The following MEGF6 variants were observed in gnomAD, a reference collection of about 807,000 sequenced individuals.
MEGF6 encodes the protein multiple EGF like domains 6, also known as multiple epidermal growth factor-like domains protein 6.
MEGF6 carries 184 observed loss-of-function variants against 207.1 expected under a neutral mutation model. That is an observed-to-expected ratio of 0.89 (90% CI 0.79 to 1.00). The LOEUF (loss-of-function observed/expected upper bound fraction) is 1.00. Among genes scored for constraint, MEGF6 ranks in the 50% least tolerant of loss-of-function variants. The pLI, the probability that MEGF6 is intolerant of heterozygous loss-of-function variation, is 0.00. For synonymous variants in MEGF6, 1,038 were observed against 910.0 expected (o/e 1.14, Z -2.53); for missense variants, 2,282 against 2,202.9 (o/e 1.04, Z -0.72).
intron 5 of MEGF6, among the ~76,000 whole-genome samples, chr1:3,517,418 C>T (rs1417027234): frequency 6.6e-6 from 1 of 152,232 alleles, no homozygotes; most frequent in Non-Finnish European, 1.5e-5. Context: ...TGTCCTCTTG[C>T]CACTCCAGTC....
At chr1:3,493,923 G>T in intron 33 of MEGF6, 24 bp from the exon 34 acceptor site, 1 of 1,583,902 alleles carries the variant, frequency 6.3e-7, no homozygotes, top group Non-Finnish European at 8.6e-7. Flanking sequence ...TGGGCTCAGT[G>T]TCCCCCTCCT....
intron 1 of MEGF6, among the ~76,000 whole-genome samples, chr1:3,602,894 T>C (rs1005059628): frequency 6.6e-6 from 1 of 152,170 alleles, no homozygotes; most frequent in South Asian, 2.1e-4. Flanking sequence ...CGACGCTGCC[T>C]CAACAGACAG....
intron 4 of MEGF6, among the ~76,000 whole-genome samples, chr1:3,567,197 G>A (rs1475528881): frequency 1.3e-5 from 2 of 152,216 alleles, no homozygotes; most frequent in Admixed American, 6.5e-5. Flanking sequence ...CGGGCCACAC[G>A]GCGAAGACAG....
chr1:3,532,350 G>T (rs901643170), intron 4 of MEGF6, among the ~76,000 whole-genome samples: 5 of 152,228 alleles, frequency 3.3e-5, no homozygotes, highest in African/African-American at 1.2e-4. Flanking sequence ...ACCTATCCTT[G>T]GTCGGGGGTC....
At chr1:3,545,568 C>T (rs1045038645) in intron 4 of MEGF6, among the ~76,000 whole-genome samples, 1 of 149,144 alleles carries the variant, frequency 6.7e-6, no homozygotes, top group African/African-American at 2.6e-5. Flanking sequence ...CTCCTCATCA[C>T]GGGTCTGGGA....
At chr1:3,575,113 CA>C (rs1427163614) in intron 4 of MEGF6, among the ~76,000 whole-genome samples, 2 of 152,218 alleles carry the variant, frequency 1.3e-5, no homozygotes, top group Non-Finnish European at 2.9e-5. Flanking sequence ...CATTTGTTCT[CA>C]GTAACTTTTT....
In MEGF6 at chr1:3,611,386, G is replaced by A; in HGVS notation, c.-118C>T. On this transcript the variant is annotated 5_prime_UTR_variant, in exon 1 of 37. Coordinates refer to ENST00000356575, the MANE Select transcript of MEGF6 (RefSeq NM_001409.4). ...CCACAGGTGCCCGCGCCCGCTCCGC[G>A]GAGCCCAAGGTCGCTGCAGGTGCGG... The A allele has an allele frequency of 7.8e-7, 1 of 1,288,032 alleles. No individual in the cohort carries two copies. 79.8% of individuals were successfully genotyped at this position (1,288,032 alleles called of 1,614,324 possible).
Position 3,611,133 on chromosome 1 carries a change from C to A in MEGF6, c.131+5G>T. 1 of 1,509,808 alleles carries A rather than the reference C, an allele frequency of 6.6e-7. No homozygotes were observed. The highest frequency in any genetic ancestry group is 1.2e-5 in the South Asian group (1 of 81,814). The allele number at this position is 1,509,808 out of a possible 1,614,324, so 93.5% of individuals were successfully genotyped here. A position where few individuals can be genotyped will look rare whatever the true frequency, so the allele number is the denominator to read the frequency against. ...GGCCGAGCCCTCCCAGCTCCTGCTA[C>A]TCACATGCCGGGCTGCAGCGGGAGC... On this transcript the variant is annotated splice_donor_5th_base_variant and intron_variant, in intron 1 of 36. Transcript: ENST00000356575.
At chr1:3,498,662 C>T in intron 25 of MEGF6, 36 bp downstream of exon 25, 1 of 1,528,186 alleles carries the variant, frequency 6.5e-7, no homozygotes, top group Non-Finnish European at 8.8e-7. Context: ...ACCAAGCATG[C>T]TGGGGTATGT....
At chr1:3,551,893 C>T (rs1049309430) in intron 4 of MEGF6, among the ~76,000 whole-genome samples, 2 of 152,218 alleles carry the variant, frequency 1.3e-5, no homozygotes, top group Non-Finnish European at 2.9e-5. Context: ...CAAGCTTCCA[C>T]GCAGAAGCCT....
chr1:3,617,685 C>T, the MEGF6 span, among the ~76,000 whole-genome samples: 3 of 152,190 alleles, frequency 2.0e-5, no homozygotes, highest in African/African-American at 7.2e-5. Context: ...AAGGTGTTTG[C>T]AGATATAATC....
rs1234850386 is a variant in MEGF6 at position 3,573,033 on chromosome 1, C to A, written c.481+6792G>T. On this transcript the variant is annotated intron_variant, in intron 4 of 36. Coordinates refer to ENST00000356575, the MANE Select transcript of MEGF6 (RefSeq NM_001409.4). This position sits in a 1 kb window ranked among gnomAD's most constrained non-coding sequence, Gnocchi z 5.1. ...GGTGTGCTGGGTTCTCCTGGGTATG[C>A]TGAGTTCTCTTGGGTGTGCTGGGTC... 6.9e-6 allele frequency among the ~76,000 whole-genome samples: 1 copy of A among 145,044 alleles called. No homozygotes were observed.
At chr1:3,514,710 G>A in intron 6 of MEGF6, 38 bp from the exon 7 acceptor site, 1 of 1,526,180 alleles carries the variant, frequency 6.6e-7, no homozygotes, top group East Asian at 2.4e-5. Flanking sequence ...TGGGGAGAGG[G>A]GACCCCAGTG....
chr1:3,502,377 AGT>A (rs1640941337), intron 17 of MEGF6, among the ~76,000 whole-genome samples: 2 of 152,124 alleles, frequency 1.3e-5, no homozygotes, highest in Admixed American at 1.3e-4. Context: ...TGGTCAGGCC[AGT>A]GTGTCCCCAG....
intron 4 of MEGF6, among the ~76,000 whole-genome samples, chr1:3,549,230 A>G (rs1642810469): frequency 6.6e-6 from 1 of 152,128 alleles, no homozygotes; most frequent in African/African-American, 2.4e-5. Flanking sequence ...ACCCTTGGTG[A>G]ATGCTCAAGA....
chr1:3,572,838 C>T (rs1186452813), intron 4 of MEGF6, among the ~76,000 whole-genome samples: 2 of 135,866 alleles, frequency 1.5e-5, no homozygotes, highest in Admixed American at 1.5e-4. Flanking sequence ...CCTGGGTGTG[C>T]TGGGTCCTTC....
At chr1:3,606,172 C>T (rs934051076) in intron 1 of MEGF6, among the ~76,000 whole-genome samples, 5 of 152,354 alleles carry the variant, frequency 3.3e-5, no homozygotes, top group African/African-American at 9.6e-5. Flanking sequence ...GGCTGCAAAG[C>T]GTCATGCAGT....
intron 5 of MEGF6, among the ~76,000 whole-genome samples, chr1:3,522,279 G>T (rs745549157): frequency 6.6e-6 from 1 of 152,140 alleles, no homozygotes; most frequent in African/African-American, 2.4e-5. Context: ...GGCCCTCCAT[G>T]GGGTGAGGAA....
At chr1:3,543,474 C>T (rs1642595835) in intron 4 of MEGF6, among the ~76,000 whole-genome samples, 3 of 152,364 alleles carry the variant, frequency 2.0e-5, no homozygotes, top group South Asian at 2.1e-4. Context: ...AGAGAAAACA[C>T]AGCAGGCTCC....
Sources: allele counts gnomAD v4.1 joint callset (sites outside exome capture counted in the v4.1 genomes callset), GRCh38; gene constraint gnomAD v4.1.1; non-coding constraint Gnocchi (gnomAD v3.1); transcripts MANE v1.5; gene names NCBI Gene and HGNC (gene_info 2026-07-23, HGNC 2026-07-21).